Variants in BIRC6 observed in about 807,000 individuals in gnomAD.
BIRC6 encodes the protein dual E2 ubiquitin-conjugating enzyme/E3 ubiquitin-protein ligase BIRC6.
BIRC6 carries 98 observed loss-of-function variants against 503.3 expected under a neutral mutation model. That is an observed-to-expected ratio of 0.19 (90% CI 0.17 to 0.23). The LOEUF (loss-of-function observed/expected upper bound fraction) is 0.23. BIRC6 is among the 10% of genes least tolerant of loss of function. The pLI is 1.00. For missense variants in BIRC6, 5,360 were observed against 5,806.0 expected (o/e 0.92, Z 2.50); for synonymous variants, 2,240 against 2,078.7 (o/e 1.08, Z -2.11).
intron 9 of BIRC6, among the ~76,000 whole-genome samples, chr2:32,413,778 T>C (rs176404): frequency 0.53 from 79,934 of 151,730 alleles, 21,311 homozygotes; most frequent in East Asian, 0.72. Context: ...TACCAAAACC[T>C]GGATGTGCTC....
chr2:32,513,176 T>C, intron 54 of BIRC6, 22 bp downstream of exon 54: 1 of 1,576,770 alleles, frequency 6.3e-7, no homozygotes, highest in Non-Finnish European at 8.7e-7. Flanking sequence ...TTGTGAAATC[T>C]TTTTTATCCC....
rs114464960 is a variant in BIRC6, at chr2:32,551,786, C to A, written c.13144+2305C>A. On this transcript the variant is annotated intron_variant, in intron 65 of 73. Transcript: ENST00000421745. ...TTTTACTACATTTAGTTGTCATGTCCTTTTCTTCTGTAATCTGGAAGAGTT... is the reference window on the plus strand; with the variant it reads ...TTTTACTACATTTAGTTGTCATGTCATTTTCTTCTGTAATCTGGAAGAGTT... 8.6e-3 allele frequency among the ~76,000 whole-genome samples: 1,306 copies of A among 152,196 alleles called. 10 individuals carry two copies. The highest frequency in any genetic ancestry group is 0.02 in the Middle Eastern group (6 of 294).
chr2:32,611,582 GGTGA>G lies in BIRC6; in HGVS notation c.14394+3_14394+6del. On this transcript the variant is annotated splice_donor_variant and splice_donor_region_variant and intron_variant, in intron 73 of 73. Coordinates refer to ENST00000421745, the MANE Select transcript of BIRC6 (RefSeq NM_016252.4). LOFTEE classifies it high-confidence loss of function. ...TGTCTCACCATGCAGCAGCTCTCAA[GGTGA>G]GTAAGCCTCTCTAACAGGAGCCTTG... 6.3e-7 allele frequency: 1 copy of G among 1,577,618 alleles called. No individual in the cohort carries two copies.
intron 53 of BIRC6, among the ~76,000 whole-genome samples, chr2:32,511,476 A>ATTTTTTT (rs1166383796): frequency 1.4e-4 from 11 of 80,158 alleles, no homozygotes; most frequent in Admixed American, 3.0e-4. Flanking sequence ...TAACTGACTA[A>ATTTTTTT]TTTTTTTTTT....
At chr2:32,546,260 C>A (rs1179737261) in intron 63 of BIRC6, among the ~76,000 whole-genome samples, 1 of 152,050 alleles carries the variant, frequency 6.6e-6, no homozygotes, top group Non-Finnish European at 1.5e-5. Context: ...CTCATTATTT[C>A]AATATGATTT....
chr2:32,394,396 C>G (rs1418611200), intron 5 of BIRC6, among the ~76,000 whole-genome samples: 1 of 151,850 alleles, frequency 6.6e-6, no homozygotes, highest in African/African-American at 2.4e-5. Context: ...ATAAATTGTG[C>G]CTGGCCCTTG....
At chr2:32,478,081 C>T (rs563305266) in intron 35 of BIRC6, among the ~76,000 whole-genome samples, 2 of 152,098 alleles carry the variant, frequency 1.3e-5, no homozygotes, top group African/African-American at 2.4e-5. Context: ...TGCTTCACAC[C>T]TGTAATCCCA....
chr2:32,401,116 A>C, intron 6 of BIRC6, 47 bp from the exon 7 acceptor site: 1 of 1,515,410 alleles, frequency 6.6e-7, no homozygotes, highest in Non-Finnish European at 9.1e-7. Flanking sequence ...GTACAAACTG[A>C]ATTGCTTTAT....
intron 55 of BIRC6, among the ~76,000 whole-genome samples, chr2:32,516,100 T>C (rs1312883132): frequency 6.6e-6 from 1 of 152,242 alleles, no homozygotes; most frequent in Non-Finnish European, 1.5e-5. Flanking sequence ...CTGAGTACTG[T>C]ATGTGCCTTG....
chr2:32,505,657 G>A (rs1173030614), intron 50 of BIRC6, among the ~76,000 whole-genome samples: 1 of 152,236 alleles, frequency 6.6e-6, no homozygotes, highest in East Asian at 1.9e-4. Flanking sequence ...GACTACTTCA[G>A]TGTGATTTTA....
At chr2:32,410,896 T>G (rs1260680485) in intron 9 of BIRC6, among the ~76,000 whole-genome samples, 2 of 152,072 alleles carry the variant, frequency 1.3e-5, no homozygotes, top group African/African-American at 4.8e-5. Context: ...GAGACGGGGT[T>G]TCGCTGTGTT....
chr2:32,507,383 T>C (rs868461808), intron 50 of BIRC6, among the ~76,000 whole-genome samples: 1 of 152,148 alleles, frequency 6.6e-6, no homozygotes, highest in Non-Finnish European at 1.5e-5. Flanking sequence ...TGAGCTAAGA[T>C]CGTGCCACTG....
At chr2:32,605,890 A>C (rs950246742) in intron 71 of BIRC6, among the ~76,000 whole-genome samples, 1 of 152,172 alleles carries the variant, frequency 6.6e-6, no homozygotes, top group African/African-American at 2.4e-5. Flanking sequence ...TAAAAATATG[A>C]GATCTTTATC....
intron 1 of BIRC6, among the ~76,000 whole-genome samples, chr2:32,375,921 C>T (rs1644192933): frequency 2.0e-5 from 3 of 152,102 alleles, no homozygotes; most frequent in South Asian, 4.1e-4. Context: ...CGCAGTGGCT[C>T]ACGCCTATAA....
At position 32,468,456 on chromosome 2, in the gene BIRC6, C is replaced by T. The variant is rs1283665518; in HGVS notation, c.5800C>T (p.Arg1934Cys). The change falls in exon 29 of 74, where the codon CGT (arginine) becomes TGT (cysteine). Residue 1934 changes from arginine to cysteine, a missense_variant. By Grantham distance (180) the Arg-to-Cys change is radical. Around this residue, in one of 16 missense-constraint regions of BIRC6, gnomAD observed 2,299 missense variants for 2,267.2 expected, o/e 1.01. Transcript: ENST00000421745. ...CTTTAGGTATAACTTGGCTTGTCAT[C>T]GTCTGGAAACCCTTTTGCAAAGTAT... is the stretch of plus-strand genomic sequence containing the variant. ...IQCRYNLACHRLETLLQSIDL... is the reference protein window; with the variant it reads ...IQCRYNLACHCLETLLQSIDL... 7 of 1,579,216 alleles carry T rather than the reference C, an allele frequency of 4.4e-6. No homozygotes were observed. Among genetic ancestry groups the T allele is most frequent in the East Asian group, 2.2e-5 (1 of 44,476 alleles).
rs2042286053 is a variant in BIRC6 at position 32,415,399 on chromosome 2, C to A, written c.2108C>A (p.Ser703Tyr). 1.2e-6 allele frequency: 2 copies of A among 1,613,916 alleles called. No individual in the cohort carries two copies. The highest frequency in any genetic ancestry group is 3.3e-5 in the Admixed American group (2 of 60,014). ...DAAANLTSPD[S>Y]EKWNSVFPKP... ...GCAGCCAACCTTACCTCTCCGGATT[C>A]TGAGAAGTGGAACTCTGTGTTTCCC... The change falls in exon 10 of 74, where the codon TCT becomes TAT. Residue 703 changes from serine to tyrosine, a missense_variant. Around this residue, in one of 16 missense-constraint regions of BIRC6, gnomAD observed 700 missense variants for 739.3 expected, o/e 0.95. Coordinates refer to ENST00000421745, the MANE Select transcript of BIRC6 (RefSeq NM_016252.4).
intron 26 of BIRC6, among the ~76,000 whole-genome samples, chr2:32,466,316 ATTC>A (rs1389657146): frequency 6.6e-6 from 1 of 152,188 alleles, no homozygotes; most frequent in African/African-American, 2.4e-5. Flanking sequence ...AATTGAACTT[ATTC>A]TTGTAATGTG....
intron 23 of BIRC6, among the ~76,000 whole-genome samples, chr2:32,456,159 C>T (rs985869795): frequency 6.6e-6 from 1 of 152,192 alleles, no homozygotes; most frequent in Admixed American, 6.5e-5. Flanking sequence ...AGCTAAACAT[C>T]ATCCTTTTGG....
intron 2 of BIRC6, among the ~76,000 whole-genome samples, chr2:32,378,055 C>A (rs78472210): frequency 0.016 from 2,370 of 152,176 alleles, 47 homozygotes; most frequent in African/African-American, 0.055. Context: ...TAGCTTGTTT[C>A]CAATAATAGT....
Sources: allele counts gnomAD v4.1 joint callset (sites outside exome capture counted in the v4.1 genomes callset), GRCh38; gene constraint gnomAD v4.1.1; regional missense constraint gnomAD v4.1.1; transcripts MANE v1.5; gene names NCBI Gene and HGNC (gene_info 2026-07-23, HGNC 2026-07-21).